TACR3: variants seen among roughly 807,000 people sequenced by gnomAD.
TACR3 encodes the protein tachykinin receptor 3, also known as neuromedin-K receptor.
A neutral mutation model predicts 35.0 loss-of-function variants in TACR3; 34 were observed. That is an observed-to-expected ratio of 0.97 (90% confidence interval 0.74 to 1.30). The LOEUF is 1.30. Among genes scored for constraint, TACR3 ranks in the 50% most tolerant of loss-of-function variants. The pLI is 0.00. For missense variants in TACR3, 558 were observed against 591.7 expected (o/e 0.94, Z 0.59); for synonymous variants, 233 against 221.1 (o/e 1.05, Z -0.48).
At chr4:103,600,451 C>T (rs1368671932) in intron 3 of TACR3, among the ~76,000 whole-genome samples, 1 of 152,132 alleles carries the variant, frequency 6.6e-6, no homozygotes, top group African/African-American at 2.4e-5. Flanking sequence ...TTTTGTGTCT[C>T]TATTTCCTTC....
Position 103,588,117 on chromosome 4 carries a change from G to A in TACR3, c.*1565C>T, listed in dbSNP as rs559154582. On this transcript the variant is annotated 3_prime_UTR_variant, in exon 5 of 5. Coordinates refer to ENST00000304883, the MANE Select transcript of TACR3 (RefSeq NM_001059.3). ...ATTTCTGGTTTTGGCTTCAAAATAGGGAAGAGATTTGAGAAATAGACCATG... is the reference window on the plus strand; with the variant it reads ...ATTTCTGGTTTTGGCTTCAAAATAGAGAAGAGATTTGAGAAATAGACCATG... The A allele has an allele frequency of 1.8e-4, 27 of 152,162 alleles. No individual in the cohort carries two copies. The highest frequency in any genetic ancestry group is 6.5e-4 in the African/African-American group (27 of 41,544). The allele number at this position is 152,162 out of a possible 1,614,324, so 9.4% of individuals were successfully genotyped here. A position where few individuals can be genotyped will look rare whatever the true frequency, so the allele number is the denominator to read the frequency against.
intron 1 of TACR3, among the ~76,000 whole-genome samples, chr4:103,696,377 G>A (rs1270309532): frequency 2.0e-5 from 3 of 151,450 alleles, no homozygotes; most frequent in African/African-American, 4.9e-5. Context: ...AAACATTTTT[G>A]TAGAATATAA....
At chr4:103,673,778 A>G (rs1212561308) in intron 1 of TACR3, among the ~76,000 whole-genome samples, 1 of 152,200 alleles carries the variant, frequency 6.6e-6, no homozygotes, top group African/African-American at 2.4e-5. Flanking sequence ...TAGTGAGATA[A>G]AATGATGTAT....
intron 1 of TACR3, among the ~76,000 whole-genome samples, chr4:103,663,272 T>C (rs139584197): frequency 6.6e-6 from 1 of 152,288 alleles, no homozygotes; most frequent in Non-Finnish European, 1.5e-5. Flanking sequence ...GGTGGGCGGA[T>C]CACTTGAGGC....
chr4:103,643,382 G>T (rs79618381), intron 3 of TACR3, among the ~76,000 whole-genome samples: 18,924 of 151,310 alleles, frequency 0.13, 1,406 homozygotes, highest in Non-Finnish European at 0.17. Flanking sequence ...ATTTCAGTAG[G>T]GGGGAGATTG....
intron 3 of TACR3, among the ~76,000 whole-genome samples, chr4:103,641,096 G>T (rs921324760): frequency 1.7e-4 from 26 of 151,774 alleles, no homozygotes; most frequent in African/African-American, 5.8e-4. Context: ...TGATTTAAGG[G>T]TTCAATTTTA....
chr4:103,630,146 C>T (rs1324795763), intron 3 of TACR3, among the ~76,000 whole-genome samples: 2 of 152,140 alleles, frequency 1.3e-5, no homozygotes, highest in Non-Finnish European at 2.9e-5. Context: ...ATGAAGAAAA[C>T]TGAAACTGGA....
intron 3 of TACR3, among the ~76,000 whole-genome samples, chr4:103,607,424 T>C (rs1349358610): frequency 1.3e-5 from 2 of 151,948 alleles, no homozygotes; most frequent in Non-Finnish European, 2.9e-5. Context: ...TTTAGTGTTA[T>C]TATGCTCATA....
intron 1 of TACR3, among the ~76,000 whole-genome samples, chr4:103,700,218 A>G (rs1722619204): frequency 6.6e-6 from 1 of 152,160 alleles, no homozygotes; most frequent in South Asian, 2.1e-4. Context: ...TCAAAGTAGT[A>G]TCATCGAATA....
At chr4:103,702,220 C>T (rs1455963785) in intron 1 of TACR3, among the ~76,000 whole-genome samples, 3 of 152,014 alleles carry the variant, frequency 2.0e-5, no homozygotes, top group African/African-American at 7.2e-5. Context: ...AACAAACAAC[C>T]CCATCAAAAA....
intron 1 of TACR3, among the ~76,000 whole-genome samples, chr4:103,678,275 G>A (rs1319438650): frequency 6.6e-6 from 1 of 152,070 alleles, no homozygotes; most frequent in African/African-American, 2.4e-5. Flanking sequence ...CAGTTAAATA[G>A]TAGCTTGTGG....
chr4:103,663,418 T>C (rs1452551120), intron 1 of TACR3, among the ~76,000 whole-genome samples: 2 of 152,134 alleles, frequency 1.3e-5, no homozygotes, highest in Non-Finnish European at 2.9e-5. Context: ...CTCTTGAGCC[T>C]GGCAGGTGGA....
At position 103,719,146 on chromosome 4, in the gene TACR3, G is replaced by A. The variant is rs777243337; in HGVS notation, c.530C>T (p.Thr177Met). The A allele has an allele frequency of 1.5e-5, 24 of 1,613,976 alleles. No homozygotes were observed. Among genetic ancestry groups the A allele is most frequent in the Non-Finnish European group, 1.7e-5 (20 of 1,180,040 alleles). Residue 177 changes from threonine to methionine, a missense_variant, in exon 1 of 5, where the codon ACG becomes ATG. Thr to Met is a moderately conservative substitution (Grantham distance 81). Coordinates refer to ENST00000304883, the MANE Select transcript of TACR3 (RefSeq NM_001059.3). ...TAVFASIYSM[T>M]AIAVDRYMAI... ...TCCTCACCTGTCCACCGCAATGGCC[G>A]TCATGGAGTAGATGCTGGCGAACAC...
chr4:103,687,170 GA>G (rs1160940428), intron 1 of TACR3, among the ~76,000 whole-genome samples: 2 of 152,076 alleles, frequency 1.3e-5, no homozygotes, highest in Admixed American at 1.3e-4. Flanking sequence ...AATAGATGCA[GA>G]AAAGGCCTTT....
chr4:103,697,666 C>T (rs187468969), intron 1 of TACR3, among the ~76,000 whole-genome samples: 1,949 of 152,044 alleles, frequency 0.013, 31 homozygotes, highest in Non-Finnish European at 0.015. Context: ...CCTCGTGATC[C>T]GCCCACCTCG....
At position 103,623,698 on chromosome 4, in the gene TACR3, T is replaced by C. The variant is rs527417040; in HGVS notation, c.889-32015A>G. 6.6e-5 allele frequency among the ~76,000 whole-genome samples: 10 copies of C among 152,268 alleles called. No individual in the cohort carries two copies. The South Asian group carries it at 2.1e-3, about 32-fold the overall frequency. The stretch of plus-strand genomic sequence containing the variant: ...GGCATAGGGTCTCCCATTCAATGTA[T>C]TACAAGTGATCCCTAAATAAATGTA... On this transcript the variant is annotated intron_variant, in intron 3 of 4. Transcript: ENST00000304883.
intron 1 of TACR3, among the ~76,000 whole-genome samples, chr4:103,681,951 A>G (rs559376566): frequency 6.6e-6 from 1 of 152,322 alleles, no homozygotes; most frequent in East Asian, 1.9e-4. Context: ...AACAGGAAAG[A>G]GAAAAATTTC....
intron 3 of TACR3, among the ~76,000 whole-genome samples, chr4:103,604,978 C>T (rs1467107667): frequency 1.6e-5 from 2 of 121,868 alleles, no homozygotes; most frequent in Non-Finnish European, 3.4e-5. Context: ...TATCCCTCCC[C>T]CCTCCCCCCA....
rs561697971 is a variant in TACR3 at position 103,708,117 on chromosome 4, C to T, written c.548+11011G>A. On this transcript the variant is annotated intron_variant, in intron 1 of 4. Transcript: ENST00000304883. ...AAAAGGCAGCAGAATCCTCTGCAGA[C>T]GTAAATGTCCCTGTCTGACAGCTTT... Among the ~76,000 whole-genome samples the T allele has an allele frequency of 4.3e-4, 65 of 152,290 alleles. No homozygotes were observed. The South Asian group carries it at 4.6e-3, about 11-fold the overall frequency.
Sources: gnomAD v4.1 joint callset for allele counts (sites outside exome capture counted in the v4.1 genomes callset) on GRCh38, gnomAD v4.1.1 for gene constraint, MANE v1.5 for transcripts, NCBI Gene and HGNC (gene_info 2026-07-23, HGNC 2026-07-21) for gene names.